GALNT13: variants seen among roughly 807,000 people sequenced by gnomAD.
The protein encoded by GALNT13 is UDP-GalNAc:polypeptide N-acetylgalactosaminyltransferase 13.
A neutral mutation model predicts 64.2 loss-of-function variants in GALNT13; 28 were observed. That is an observed-to-expected ratio of 0.44 (90% CI 0.32 to 0.60). The LOEUF (loss-of-function observed/expected upper bound fraction) is 0.60, where lower values mean the gene tolerates loss of function less well. Ranked by LOEUF, GALNT13 falls within the 20% of genes least tolerant of loss-of-function variation. The pLI, the probability that GALNT13 is intolerant of heterozygous loss-of-function variation, is 0.05. For synonymous variants in GALNT13, 214 were observed against 224.6 expected (o/e 0.95, Z 0.42); for missense variants, 577 against 669.8 (o/e 0.86, Z 1.53).
chr2:153,801,342 T>C, the GALNT13 span, among the ~76,000 whole-genome samples: 16 of 152,044 alleles, frequency 1.1e-4, no homozygotes, highest in African/African-American at 3.9e-4. Flanking sequence ...TTTTTTTTTT[T>C]CTATGCTTAA....
At chr2:153,142,240 T>A in the GALNT13 span, among the ~76,000 whole-genome samples, 381 of 152,128 alleles carry the variant, frequency 2.5e-3, 1 homozygote, top group Non-Finnish European at 3.6e-3. Context: ...GGAGGGGAAG[T>A]GGCTACTTAA....
chr2:153,086,933 G>A, the GALNT13 span, among the ~76,000 whole-genome samples: 1 of 152,040 alleles, frequency 6.6e-6, no homozygotes, highest in African/African-American at 2.4e-5. Context: ...AGCGAACAGT[G>A]ACAATTTGAC....
chr2:153,652,534 G>C, the GALNT13 span, among the ~76,000 whole-genome samples: 5 of 152,048 alleles, frequency 3.3e-5, no homozygotes, highest in Non-Finnish European at 7.4e-5. Flanking sequence ...AGAATTGATT[G>C]AACCCAGGAG....
the GALNT13 span, among the ~76,000 whole-genome samples, chr2:153,417,598 T>G: frequency 6.6e-6 from 1 of 152,286 alleles, no homozygotes; most frequent in South Asian, 2.1e-4. Context: ...AAAATGGATG[T>G]AGATTGTAAA....
chr2:154,062,864 AT>A (rs1700264285), intron 3 of GALNT13, among the ~76,000 whole-genome samples: 1 of 139,648 alleles, frequency 7.2e-6, no homozygotes, highest in East Asian at 2.2e-4. Flanking sequence ...TTTTTTTTTC[AT>A]TTTTTGGCTT....
At chr2:153,578,551 A>C in the GALNT13 span, among the ~76,000 whole-genome samples, 1 of 152,202 alleles carries the variant, frequency 6.6e-6, no homozygotes, top group Non-Finnish European at 1.5e-5. Flanking sequence ...CTGTAGACCC[A>C]TCAAAAGGTG....
At chr2:153,257,673 G>C in the GALNT13 span, among the ~76,000 whole-genome samples, 3 of 152,122 alleles carry the variant, frequency 2.0e-5, no homozygotes, top group African/African-American at 7.2e-5. Flanking sequence ...ATTGAGTAAA[G>C]TATACTGCTA....
intron 2 of GALNT13, among the ~76,000 whole-genome samples, chr2:153,923,621 A>T (rs1412454203): frequency 1.4e-4 from 21 of 152,030 alleles, no homozygotes; most frequent in Non-Finnish European, 1.0e-4. Flanking sequence ...TACATGTGCC[A>T]TGTTGGTGTG....
At chr2:153,161,181 T>A in the GALNT13 span, among the ~76,000 whole-genome samples, 1 of 152,230 alleles carries the variant, frequency 6.6e-6, no homozygotes, top group African/African-American at 2.4e-5. Flanking sequence ...AACTGCTTGA[T>A]AGCTCTGGAC....
At chr2:153,284,721 T>C in the GALNT13 span, among the ~76,000 whole-genome samples, 6 of 152,124 alleles carry the variant, frequency 3.9e-5, no homozygotes, top group Non-Finnish European at 7.4e-5. Context: ...GGTGCTTTCA[T>C]GATGGGTGTT....
At chr2:153,779,344 A>T in the GALNT13 span, among the ~76,000 whole-genome samples, 23 of 152,236 alleles carry the variant, frequency 1.5e-4, no homozygotes, top group Non-Finnish European at 2.5e-4. Context: ...AGCCAATGGC[A>T]CTAACACAAT....
chr2:153,638,112 C>A, the GALNT13 span, among the ~76,000 whole-genome samples: 1 of 151,494 alleles, frequency 6.6e-6, no homozygotes, highest in African/African-American at 2.4e-5. Flanking sequence ...AGGGGAATGG[C>A]AAAATCCTGG....
intron 3 of GALNT13, among the ~76,000 whole-genome samples, chr2:154,081,170 C>G (rs1309908260): frequency 6.6e-6 from 1 of 151,566 alleles, no homozygotes; most frequent in African/African-American, 2.4e-5. Context: ...AGACCATACT[C>G]TATGTAAATC....
chr2:153,638,702 C>G, the GALNT13 span, among the ~76,000 whole-genome samples: 1 of 151,970 alleles, frequency 6.6e-6, no homozygotes, highest in Non-Finnish European at 1.5e-5. Flanking sequence ...ATTTATATGG[C>G]CACTGTCACA....
chr2:153,713,641 C>A, the GALNT13 span, among the ~76,000 whole-genome samples: 4 of 152,204 alleles, frequency 2.6e-5, no homozygotes, highest in African/African-American at 7.2e-5. Flanking sequence ...CGCCACCACA[C>A]CCAGCTAACT....
rs1429377180 is a variant in GALNT13, at chr2:154,450,897, A to C, written c.*346A>C. The stretch of plus-strand genomic sequence containing the variant: ...GGTTGTCATGGTGATTGAAAGAGAT[A>C]ATGTAAATGCCTTATAAAATCTTCA... On this transcript the variant is annotated 3_prime_UTR_variant, in exon 13 of 13. Coordinates refer to ENST00000392825, the MANE Select transcript of GALNT13 (RefSeq NM_052917.4). 1.1e-5 allele frequency: 2 copies of C among 176,540 alleles called. No individual in the cohort carries two copies. 10.9% of individuals were successfully genotyped at this position (176,540 alleles called of 1,614,324 possible).
the GALNT13 span, among the ~76,000 whole-genome samples, chr2:153,179,153 GTAGT>G: frequency 2.0e-5 from 3 of 152,138 alleles, no homozygotes; most frequent in African/African-American, 7.2e-5. Context: ...TTTTCTTCTA[GTAGT>G]TTTAAACTTT....
the GALNT13 span, among the ~76,000 whole-genome samples, chr2:153,862,599 A>T: frequency 6.6e-6 from 1 of 152,080 alleles, no homozygotes; most frequent in Non-Finnish European, 1.5e-5. Flanking sequence ...TATCATTTAA[A>T]TATTTTACAA....
chr2:153,485,486 A>T, the GALNT13 span, among the ~76,000 whole-genome samples: 1 of 152,250 alleles, frequency 6.6e-6, no homozygotes, highest in African/African-American at 2.4e-5. Context: ...GAAGGTATTT[A>T]TGTGTAAGAT....
Sources: allele counts gnomAD v4.1 joint callset (sites outside exome capture counted in the v4.1 genomes callset), GRCh38; gene constraint gnomAD v4.1.1; transcripts MANE v1.5; gene names NCBI Gene and HGNC (gene_info 2026-07-23, HGNC 2026-07-21).